CDIN1: variants seen among roughly 807,000 people sequenced by gnomAD.
CDIN1 encodes the protein CDAN1-interacting nuclease 1.
Under a neutral mutation model 45.3 loss-of-function variants are expected in CDIN1, and 33 were observed. The observed-to-expected ratio is 0.73, with a 90% CI of 0.55 to 0.97. The LOEUF is 0.97. Among genes scored for constraint, CDIN1 ranks in the 50% least tolerant of loss-of-function variants. The probability of loss-of-function intolerance (pLI) is 0.00; values close to 1 mark genes in which losing one functional copy is unlikely to be tolerated. For synonymous variants in CDIN1, 118 were observed against 124.4 expected (o/e 0.95, Z 0.34); for missense variants, 303 against 339.4 (o/e 0.89, Z 0.84).
intron 10 of CDIN1, among the ~76,000 whole-genome samples, chr15:36,780,785 G>A (rs2054331072): frequency 6.6e-6 from 1 of 152,084 alleles, no homozygotes; most frequent in African/African-American, 2.4e-5. Flanking sequence ...GAACACTGAG[G>A]CCTGCTCAAG....
At chr15:36,772,744 C>T (rs1392423022) in intron 10 of CDIN1, among the ~76,000 whole-genome samples, 1 of 151,516 alleles carries the variant, frequency 6.6e-6, no homozygotes, top group Non-Finnish European at 1.5e-5. Context: ...CCAGTCTTCT[C>T]CCTAAATCCT....
At chr15:36,586,464 T>C (rs1288531507) in intron 1 of CDIN1, among the ~76,000 whole-genome samples, 2 of 152,192 alleles carry the variant, frequency 1.3e-5, no homozygotes, top group Non-Finnish European at 2.9e-5. Flanking sequence ...TACCCTACAA[T>C]TAGCCCACGA....
chr15:36,800,865 GTGTGTGTGTATATA>G (rs1321123249), intron 10 of CDIN1, among the ~76,000 whole-genome samples: 36 of 58,778 alleles, frequency 6.1e-4, no homozygotes, highest in Non-Finnish European at 9.4e-4. Flanking sequence ...ACATATGTGT[GTGTGTGTGTATATA>G]TGTGTGTGTG....
intron 1 of CDIN1, among the ~76,000 whole-genome samples, chr15:36,588,866 A>C (rs2037433016): frequency 6.6e-6 from 1 of 152,178 alleles, no homozygotes; most frequent in Admixed American, 6.5e-5. Context: ...AATTCTTCGC[A>C]GAGGAGTATT....
chr15:36,704,054 G>T (rs1595496075), intron 8 of CDIN1, among the ~76,000 whole-genome samples: 1 of 152,096 alleles, frequency 6.6e-6, no homozygotes, highest in Non-Finnish European at 1.5e-5. Context: ...CATCTACAAC[G>T]AAAAGGATTT....
intron 1 of CDIN1, chr15:36,618,406 A>G: frequency 1.4e-6 from 1 of 737,190 alleles, no homozygotes; most frequent in Non-Finnish European, 2.5e-6. Flanking sequence ...AATGGGGACT[A>G]TGGTAGGGGC....
chr15:36,673,320 T>C (rs1010322163), intron 5 of CDIN1, among the ~76,000 whole-genome samples: 11 of 152,100 alleles, frequency 7.2e-5, no homozygotes, highest in Admixed American at 5.9e-4. Context: ...AGATTCATCA[T>C]GGAAAATCAG....
At chr15:36,615,241 G>C (rs1055518076) in intron 1 of CDIN1, among the ~76,000 whole-genome samples, 1 of 152,118 alleles carries the variant, frequency 6.6e-6, no homozygotes, top group African/African-American at 2.4e-5. Flanking sequence ...GCAGTCCGTG[G>C]GCTGGCAGTT....
chr15:36,620,012 A>G (rs866100802), intron 1 of CDIN1, among the ~76,000 whole-genome samples: 1 of 152,076 alleles, frequency 6.6e-6, no homozygotes, highest in South Asian at 2.1e-4. Flanking sequence ...ACATGTGACT[A>G]CTAATCAGTT....
chr15:36,710,882 A>G (rs1176245406), intron 10 of CDIN1, among the ~76,000 whole-genome samples: 1 of 152,172 alleles, frequency 6.6e-6, no homozygotes, highest in East Asian at 1.9e-4. Flanking sequence ...TCAGCTTTAC[A>G]AAAGGCCAGT....
chr15:36,647,023 CTTTTTTT>C (rs11433757), intron 3 of CDIN1, among the ~76,000 whole-genome samples: 1 of 122,316 alleles, frequency 8.2e-6, no homozygotes, highest in Non-Finnish European at 1.6e-5. Flanking sequence ...AAATAAATAT[CTTTTTTT>C]TTTTTTTTTT....
chr15:36,623,767 A>G (rs972934534), intron 1 of CDIN1, among the ~76,000 whole-genome samples: 2 of 152,222 alleles, frequency 1.3e-5, no homozygotes, highest in African/African-American at 4.8e-5. Context: ...TTGTAACTCA[A>G]TTGAGTAGAT....
intron 10 of CDIN1, among the ~76,000 whole-genome samples, chr15:36,766,954 G>A (rs1421576239): frequency 6.6e-6 from 1 of 152,148 alleles, no homozygotes; most frequent in African/African-American, 2.4e-5. Flanking sequence ...AGTCTCAAGT[G>A]TCTATTTTTG....
At chr15:36,691,207 G>A (rs1312718719) in intron 5 of CDIN1, 1 of 518,066 alleles carries the variant, frequency 1.9e-6, no homozygotes, top group Non-Finnish European at 3.9e-6. Context: ...TTCTTTCATG[G>A]CTGAAAGCCA....
chr15:36,583,542 G>A (rs1018521488), intron 1 of CDIN1, among the ~76,000 whole-genome samples: 9 of 152,030 alleles, frequency 5.9e-5, no homozygotes, highest in Non-Finnish European at 1.2e-4. Flanking sequence ...TTCTATTTTC[G>A]TTTCTACAGT....
intron 10 of CDIN1, among the ~76,000 whole-genome samples, chr15:36,807,002 T>C (rs142792877): frequency 2.0e-5 from 3 of 152,206 alleles, no homozygotes; most frequent in African/African-American, 7.2e-5. Flanking sequence ...CTTCTAATTA[T>C]ACCCAGTTCC....
intron 6 of CDIN1, 80 bp downstream of exon 6, chr15:36,691,844 T>G: frequency 8.9e-7 from 1 of 1,119,370 alleles, no homozygotes; most frequent in Non-Finnish European, 1.3e-6. Context: ...CCTCATTTAA[T>G]TACTGTCATC....
chr15:36,686,090 G>A (rs1011793613), intron 5 of CDIN1, among the ~76,000 whole-genome samples: 17 of 151,908 alleles, frequency 1.1e-4, no homozygotes, highest in African/African-American at 3.9e-4. Context: ...AAATCATGCT[G>A]CTATAAAGAC....
rs138007111 is a variant in CDIN1, at chr15:36,690,929, T to A, written c.347-756T>A. ...ATCTCCTACCTTGCTTTCCAAAGGA[T>A]GTCACTTGCTATAGCACCTTCATCA... On this transcript the variant is annotated intron_variant, in intron 5 of 10. Coordinates refer to ENST00000566621, the MANE Select transcript of CDIN1 (RefSeq NM_001321759.2). 6.8e-3 allele frequency among the ~76,000 whole-genome samples: 1,038 copies of A among 152,274 alleles called. 15 individuals are homozygous for A. Among genetic ancestry groups the A allele is most frequent in the African/African-American group, 0.023 (973 of 41,564 alleles).
Sources: allele counts gnomAD v4.1 joint callset (sites outside exome capture counted in the v4.1 genomes callset), GRCh38; gene constraint gnomAD v4.1.1; transcripts MANE v1.5; gene names NCBI Gene and HGNC (gene_info 2026-07-23, HGNC 2026-07-21).